The following BBX variants were observed in gnomAD, a reference collection of about 807,000 sequenced individuals.
BBX encodes the protein HMG box transcription factor BBX.
In BBX, 30 loss-of-function variants were observed where a neutral mutation model predicts 100.2. The observed-to-expected ratio is 0.30, with a 90% confidence interval of 0.22 to 0.41. The LOEUF (loss-of-function observed/expected upper bound fraction) is 0.41. Among genes scored for constraint, BBX ranks in the 10% least tolerant of loss-of-function variants. The pLI, the probability that BBX is intolerant of heterozygous loss-of-function variation, is 1.00. For synonymous variants in BBX, 376 were observed against 388.1 expected (o/e 0.97, Z 0.37); for missense variants, 1,023 against 1,129.8 (o/e 0.91, Z 1.35).
rs575909553 is a variant in BBX at position 107,525,820 on chromosome 3, G to GA, written c.-155-506dup. 4.2e-3 allele frequency among the ~76,000 whole-genome samples: 642 copies of GA among 152,340 alleles called. 5 individuals are homozygous for GA. The highest frequency in any genetic ancestry group is 0.011 in the Admixed American group (171 of 15,306). Reference sequence around the variant, plus strand: ...TGTGACCCGGGCTGGGTGTTTGGGAGACGGCAGTGGCCGCCCAGGTCTGAA... The same window carrying GA: ...TGTGACCCGGGCTGGGTGTTTGGGAGAACGGCAGTGGCCGCCCAGGTCTGAA... On this transcript the variant is annotated intron_variant, in intron 1 of 17. Transcript: ENST00000325805.
chr3:107,695,795 G>A (rs920811196), intron 3 of BBX, among the ~76,000 whole-genome samples: 12 of 151,520 alleles, frequency 7.9e-5, no homozygotes, highest in African/African-American at 2.7e-4. Flanking sequence ...TGACAGTGGG[G>A]TGTTAAAGTC....
chr3:107,618,022 G>A (rs1452249926), intron 2 of BBX, among the ~76,000 whole-genome samples: 13 of 151,850 alleles, frequency 8.6e-5, no homozygotes, highest in Admixed American at 2.0e-4. Context: ...ATTTTTAGAT[G>A]CTCTTTTACC....
chr3:107,625,487 T>C (rs2056100463), intron 2 of BBX, among the ~76,000 whole-genome samples: 1 of 152,192 alleles, frequency 6.6e-6, no homozygotes, highest in South Asian at 2.1e-4. Flanking sequence ...TTTTGCCATG[T>C]TGTCCAGGCT....
chr3:107,528,621 C>G (rs1399239827), intron 2 of BBX, among the ~76,000 whole-genome samples: 1 of 152,076 alleles, frequency 6.6e-6, no homozygotes, highest in Non-Finnish European at 1.5e-5. Flanking sequence ...TATACTTAAT[C>G]CATTAAAACA....
intron 3 of BBX, among the ~76,000 whole-genome samples, chr3:107,673,725 A>T (rs1283001540): frequency 2.0e-5 from 3 of 152,080 alleles, no homozygotes; most frequent in Non-Finnish European, 4.4e-5. Context: ...AATTTCTCTT[A>T]TTCTGGATAA....
At chr3:107,765,897 A>T (rs1391025560) in intron 10 of BBX, among the ~76,000 whole-genome samples, 1 of 152,234 alleles carries the variant, frequency 6.6e-6, no homozygotes, top group East Asian at 1.9e-4. Context: ...CCTAATATGC[A>T]GTGGAACAAA....
At chr3:107,750,125 C>T (rs964740506) in intron 9 of BBX, among the ~76,000 whole-genome samples, 20 of 152,076 alleles carry the variant, frequency 1.3e-4, no homozygotes, top group African/African-American at 4.8e-4. Flanking sequence ...AGATTTGGTC[C>T]TTGCCTCTTA....
At position 107,602,193 on chromosome 3, in the gene BBX, T is replaced by C. The variant is rs139099089; in HGVS notation, c.-83-43643T>C. Among the ~76,000 whole-genome samples the C allele has an allele frequency of 8.4e-3, 1,278 of 152,320 alleles. 24 individuals carry two copies. The highest frequency in any genetic ancestry group is 0.029 in the African/African-American group (1,217 of 41,588). On this transcript the variant is annotated intron_variant, in intron 2 of 17. Coordinates refer to ENST00000325805, the MANE Select transcript of BBX (RefSeq NM_001142568.3). ...GTACCTAGTCACACAAGAGCTCTGA[T>C]GGAGGTGTACAAGGAGATTAATGTT... is the stretch of plus-strand genomic sequence containing the variant.
chr3:107,530,571 C>A (rs1255389248), intron 2 of BBX, among the ~76,000 whole-genome samples: 1 of 152,022 alleles, frequency 6.6e-6, no homozygotes, highest in East Asian at 1.9e-4. Flanking sequence ...ACTCCTGGAA[C>A]AGAATAACTG....
At chr3:107,544,405 AT>A (rs1288086673) in intron 2 of BBX, among the ~76,000 whole-genome samples, 3 of 152,216 alleles carry the variant, frequency 2.0e-5, no homozygotes, top group Admixed American at 2.0e-4. Context: ...GTTCTAGAAC[AT>A]AGCATGACTT....
chr3:107,735,575 A>G (rs2063580908), intron 7 of BBX, among the ~76,000 whole-genome samples: 1 of 152,068 alleles, frequency 6.6e-6, no homozygotes, highest in South Asian at 2.1e-4. Context: ...AAAAGTCCTC[A>G]AAAGACTATT....
In BBX at chr3:107,807,685, T is replaced by G. The variant is rs756503648; in HGVS notation, c.*2228T>G. The G allele has an allele frequency of 3.3e-5, 5 of 151,776 alleles. No individual in the cohort carries two copies. Among genetic ancestry groups the G allele is most frequent in the Non-Finnish European group, 7.4e-5 (5 of 67,962 alleles). The allele number at this position is 151,776 out of a possible 1,614,324, so 9.4% of individuals were successfully genotyped here. On this transcript the variant is annotated 3_prime_UTR_variant, in exon 18 of 18. Coordinates refer to ENST00000325805, the MANE Select transcript of BBX (RefSeq NM_001142568.3). ...ATTTCACTAGAGTTCCTTACGAGAT[T>G]GCTGTATATTCCTGGGACCTTTTTT...
intron 2 of BBX, among the ~76,000 whole-genome samples, chr3:107,606,983 G>A (rs2054494694): frequency 6.6e-6 from 1 of 151,986 alleles, no homozygotes; most frequent in South Asian, 2.1e-4. Flanking sequence ...TGGTTCAGTT[G>A]TCTTAATTTT....
chr3:107,593,309 A>G (rs1467269651), intron 2 of BBX, among the ~76,000 whole-genome samples: 3 of 152,186 alleles, frequency 2.0e-5, no homozygotes, highest in African/African-American at 4.8e-5. Flanking sequence ...ACCAAAATAG[A>G]TACTGAAAGA....
intron 7 of BBX, among the ~76,000 whole-genome samples, chr3:107,738,706 C>CTCCTGTG (rs929190111): frequency 3.1e-4 from 47 of 152,280 alleles, no homozygotes; most frequent in Non-Finnish European, 8.8e-5. Flanking sequence ...CTGGCCACTT[C>CTCCTGTG]TCCTGTGTCC....
chr3:107,615,067 T>C (rs2055149242), intron 2 of BBX, among the ~76,000 whole-genome samples: 1 of 152,144 alleles, frequency 6.6e-6, no homozygotes. Flanking sequence ...TAAAGATCAG[T>C]CTGTTTGCCA....
chr3:107,633,556 A>G (rs1485080965), intron 2 of BBX, among the ~76,000 whole-genome samples: 1 of 152,222 alleles, frequency 6.6e-6, no homozygotes, highest in Non-Finnish European at 1.5e-5. Flanking sequence ...TTCAGGCATC[A>G]TGGTTTCCAG....
intron 14 of BBX, among the ~76,000 whole-genome samples, chr3:107,790,802 GCCTGTATGTT>G (rs879669311): frequency 1.5e-4 from 23 of 152,252 alleles, no homozygotes; most frequent in South Asian, 1.0e-3. Flanking sequence ...AGACATGTGT[GCCTGTATGTT>G]CCTGTATGTA....
At chr3:107,756,736 G>T (rs910208907) in intron 10 of BBX, among the ~76,000 whole-genome samples, 2 of 152,136 alleles carry the variant, frequency 1.3e-5, no homozygotes, top group Non-Finnish European at 2.9e-5. Flanking sequence ...ACAATGACAC[G>T]CTTCTTGTGT....
Sources: gnomAD v4.1 joint callset for allele counts (sites outside exome capture counted in the v4.1 genomes callset) on GRCh38, gnomAD v4.1.1 for gene constraint, MANE v1.5 for transcripts, NCBI Gene and HGNC (gene_info 2026-07-23, HGNC 2026-07-21) for gene names.